The following HS3ST3B1 variants were observed in gnomAD, a reference collection of about 807,000 sequenced individuals.
The protein encoded by HS3ST3B1 is heparan sulfate glucosamine 3-O-sulfotransferase 3B1.
A neutral mutation model predicts 21.3 loss-of-function variants in HS3ST3B1; 13 were observed. That is an observed-to-expected ratio of 0.61 (90% CI 0.40 to 0.97). HS3ST3B1 has a LOEUF of 0.97. Ranked by LOEUF, HS3ST3B1 falls within the 50% of genes least tolerant of loss-of-function variation. The probability of loss-of-function intolerance (pLI) is 0.00; values close to 1 mark genes in which losing one functional copy is unlikely to be tolerated. For synonymous variants in HS3ST3B1, 234 were observed against 254.8 expected (o/e 0.92, Z 0.78); for missense variants, 459 against 554.8 (o/e 0.83, Z 1.73).
At chr17:14,302,915 C>T (rs1908991059) in intron 1 of HS3ST3B1, among the ~76,000 whole-genome samples, 1 of 152,292 alleles carries the variant, frequency 6.6e-6, no homozygotes, top group South Asian at 2.1e-4. Context: ...ATTCGGGGCC[C>T]ATTGATTGAG....
At chr17:14,344,946 G>A (rs1260088828) in intron 1 of HS3ST3B1, 82 bp from the exon 2 acceptor site, 2 of 1,514,318 alleles carry the variant, frequency 1.3e-6, no homozygotes, top group African/African-American at 2.8e-5. Flanking sequence ...AGAGGGAGCT[G>A]GGATTAGAAG....
chr17:14,340,739 C>G (rs145025017), intron 1 of HS3ST3B1, among the ~76,000 whole-genome samples: 1 of 152,070 alleles, frequency 6.6e-6, no homozygotes, highest in Non-Finnish European at 1.5e-5. Flanking sequence ...TGTGCCACCA[C>G]GCTCAGCTAA....
At chr17:14,312,205 C>A (rs1909326134) in intron 1 of HS3ST3B1, among the ~76,000 whole-genome samples, 1 of 152,044 alleles carries the variant, frequency 6.6e-6, no homozygotes, top group African/African-American at 2.4e-5. Flanking sequence ...TGTGTGATTT[C>A]CCTTATTTTC....
In HS3ST3B1 at chr17:14,301,093, T is replaced by C. The variant is rs2072242; in HGVS notation, c.-426T>C. Reference sequence around the variant, plus strand: ...GCTCTCTTCCTGCGCAGTTCGCCTCTGCAGCCTCTGCGGGGAAGTGCCGGG... The same window carrying C: ...GCTCTCTTCCTGCGCAGTTCGCCTCCGCAGCCTCTGCGGGGAAGTGCCGGG... On this transcript the variant is annotated 5_prime_UTR_variant, in exon 1 of 2. Transcript: ENST00000360954. The C allele has an allele frequency of 0.23, 43,289 of 185,222 alleles. 5,346 individuals are homozygous for C. Among genetic ancestry groups the C allele is most frequent in the South Asian group, 0.4 (2,390 of 6,016 alleles). 11.5% of individuals were successfully genotyped at this position (185,222 alleles called of 1,614,324 possible).
At chr17:14,328,646 T>C (rs1329995773) in intron 1 of HS3ST3B1, 1 of 152,218 alleles carries the variant, frequency 6.6e-6, no homozygotes, top group Non-Finnish European at 1.5e-5. Context: ...ACAGTAGCCT[T>C]TTCTTTGTCT....
intron 1 of HS3ST3B1, among the ~76,000 whole-genome samples, chr17:14,343,047 T>A (rs899618964): frequency 6.6e-6 from 1 of 151,920 alleles, no homozygotes; most frequent in East Asian, 1.9e-4. Flanking sequence ...ATTGAGACCA[T>A]CCTGGCCAAC....
chr17:14,325,427 A>G (rs1909779051), intron 1 of HS3ST3B1, among the ~76,000 whole-genome samples: 1 of 152,240 alleles, frequency 6.6e-6, no homozygotes. Flanking sequence ...TAGATGAGAA[A>G]CTGACTTCTT....
chr17:14,341,043 G>C (rs1475391031), intron 1 of HS3ST3B1, among the ~76,000 whole-genome samples: 1 of 152,172 alleles, frequency 6.6e-6, no homozygotes, highest in African/African-American at 2.4e-5. Context: ...TGGGGAGAGG[G>C]GCCCTCATAT....
In HS3ST3B1 at chr17:14,345,602, C is replaced by T. The variant is rs1341832375; in HGVS notation, c.1129C>T (p.Leu377Phe). 13 of 1,611,026 alleles carry T rather than the reference C, an allele frequency of 8.1e-6. No individual in the cohort carries two copies. Among genetic ancestry groups the T allele is most frequent in the Non-Finnish European group, 1.0e-5 (12 of 1,178,464 alleles). Reference sequence around the variant, plus strand: ...GCGCGAGTTCTACCGGCCTTTCAACCTCAAGTTCTACCAGATGACCGGGCA... The same window carrying T: ...GCGCGAGTTCTACCGGCCTTTCAACTTCAAGTTCTACCAGATGACCGGGCA... ...RLREFYRPFN[L>F]KFYQMTGHDF... Residue 377 changes from leucine to phenylalanine, a missense_variant, in exon 2 of 2, where the codon CTC (leucine) becomes TTC (phenylalanine). By Grantham distance (22) the Leu-to-Phe change is conservative. Coordinates refer to ENST00000360954, the MANE Select transcript of HS3ST3B1 (RefSeq NM_006041.3).
intron 1 of HS3ST3B1, among the ~76,000 whole-genome samples, chr17:14,313,849 C>T (rs949778631): frequency 2.0e-5 from 3 of 152,208 alleles, no homozygotes; most frequent in East Asian, 1.9e-4. Context: ...GGATTACAGG[C>T]GTGAGCCACC....
intron 1 of HS3ST3B1, among the ~76,000 whole-genome samples, chr17:14,311,876 G>C (rs1158771618): frequency 7.2e-5 from 11 of 152,072 alleles, no homozygotes; most frequent in Admixed American, 7.2e-4. Flanking sequence ...AAACAGGCTC[G>C]AGGAGATCTG....
At chr17:14,320,281 C>G (rs1909618655) in intron 1 of HS3ST3B1, among the ~76,000 whole-genome samples, 1 of 152,058 alleles carries the variant, frequency 6.6e-6, no homozygotes, top group Non-Finnish European at 1.5e-5. Flanking sequence ...GGGCGCTGCA[C>G]TGGGAAGGCT....
chr17:14,324,954 C>A (rs1432366195), intron 1 of HS3ST3B1, among the ~76,000 whole-genome samples: 1 of 152,176 alleles, frequency 6.6e-6, no homozygotes, highest in Non-Finnish European at 1.5e-5. Flanking sequence ...GCACATAAAA[C>A]ATGACAGTTA....
chr17:14,347,280 C>T lies in HS3ST3B1; in HGVS notation c.*1634C>T, dbSNP rs1910608493. The stretch of plus-strand genomic sequence containing the variant: ...GCTCTACAGAATGCTCTCCCCGTGC[C>T]TCTCTGTTGATTTATAACAGTTGGG... On this transcript the variant is annotated 3_prime_UTR_variant, in exon 2 of 2. Coordinates refer to ENST00000360954, the MANE Select transcript of HS3ST3B1 (RefSeq NM_006041.3). 1 of 152,210 alleles carries T rather than the reference C, an allele frequency of 6.6e-6. No individual in the cohort carries two copies. The highest frequency in any genetic ancestry group is 6.5e-5 in the Admixed American group (1 of 15,286). 9.4% of individuals were successfully genotyped at this position (152,210 alleles called of 1,614,324 possible).
chr17:14,307,005 A>G (rs766684015), intron 1 of HS3ST3B1, among the ~76,000 whole-genome samples: 5 of 151,986 alleles, frequency 3.3e-5, no homozygotes, highest in Non-Finnish European at 7.4e-5. Context: ...AAGGGAAAAT[A>G]TAACATAAAT....
intron 1 of HS3ST3B1, among the ~76,000 whole-genome samples, chr17:14,314,254 C>G (rs1187182874): frequency 1.3e-5 from 2 of 152,228 alleles, no homozygotes; most frequent in Non-Finnish European, 2.9e-5. Flanking sequence ...GCTGGGATTA[C>G]AGGCATGAGC....
intron 1 of HS3ST3B1, among the ~76,000 whole-genome samples, chr17:14,315,853 GAA>G (rs536112401): frequency 2.6e-5 from 4 of 151,406 alleles, no homozygotes; most frequent in Non-Finnish European, 5.9e-5. Flanking sequence ...GTAGAGGGTA[GAA>G]AAAAAGAGTT....
rs1910634612 is a variant in HS3ST3B1, at chr17:14,348,369, G to A, written c.*2723G>A. 1 of 152,210 alleles carries A rather than the reference G, an allele frequency of 6.6e-6. No homozygotes were observed. The highest frequency in any genetic ancestry group is 2.4e-5 in the African/African-American group (1 of 41,442). 9.4% of individuals were successfully genotyped at this position (152,210 alleles called of 1,614,324 possible). ...GTCCATAATCAGTACTGATGGAATAGAGCAAGTTTTTCTATGTAAGACAAA... is the reference window on the plus strand; with the variant it reads ...GTCCATAATCAGTACTGATGGAATAAAGCAAGTTTTTCTATGTAAGACAAA... On this transcript the variant is annotated 3_prime_UTR_variant, in exon 2 of 2. Coordinates refer to ENST00000360954, the MANE Select transcript of HS3ST3B1 (RefSeq NM_006041.3).
chr17:14,341,047 C>T (rs1337909457), intron 1 of HS3ST3B1, among the ~76,000 whole-genome samples: 1 of 152,174 alleles, frequency 6.6e-6, no homozygotes, highest in African/African-American at 2.4e-5. Flanking sequence ...GAGAGGGGCC[C>T]TCATATGGGT....
Sources: allele counts gnomAD v4.1 joint callset (sites outside exome capture counted in the v4.1 genomes callset), GRCh38; gene constraint gnomAD v4.1.1; transcripts MANE v1.5; gene names NCBI Gene and HGNC (gene_info 2026-07-23, HGNC 2026-07-21).